Variants in ASIC2 observed in about 807,000 individuals in gnomAD.
ASIC2 encodes acid-sensing ion channel 2.
A neutral mutation model predicts 57.3 loss-of-function variants in ASIC2; 25 were observed. The observed-to-expected ratio is 0.44, with a 90% CI of 0.32 to 0.61. The LOEUF is 0.61. Among genes scored for constraint, ASIC2 ranks in the 20% least tolerant of loss-of-function variants. The pLI, the probability that ASIC2 is intolerant of heterozygous loss-of-function variation, is 0.06. For missense variants in ASIC2, 641 were observed against 738.1 expected (o/e 0.87, Z 1.52); for synonymous variants, 319 against 307.5 (o/e 1.04, Z -0.39).
chr17:33,534,461 G>C (rs753451253), intron 1 of ASIC2: 12 of 152,140 alleles, frequency 7.9e-5, no homozygotes, highest in Non-Finnish European at 1.8e-4. Flanking sequence ...GCAGATCTGT[G>C]GGGGATTGGT....
chr17:33,987,963 A>C (rs1905875010), intron 1 of ASIC2, among the ~76,000 whole-genome samples: 2 of 152,212 alleles, frequency 1.3e-5, no homozygotes, highest in South Asian at 4.1e-4. Flanking sequence ...TTTTGACAGC[A>C]TGTAATTTGT....
At chr17:33,433,917 A>T (rs942803506) in intron 1 of ASIC2, among the ~76,000 whole-genome samples, 1 of 147,256 alleles carries the variant, frequency 6.8e-6, no homozygotes, top group Non-Finnish European at 1.5e-5. Flanking sequence ...GTATATGCAG[A>T]TTTCCACTAC....
chr17:33,260,050 A>G (rs2142143296), intron 1 of ASIC2, among the ~76,000 whole-genome samples: 1 of 152,232 alleles, frequency 6.6e-6, no homozygotes, highest in East Asian at 1.9e-4. Context: ...AGGTAGGAGG[A>G]TTGCTTGAGC....
Position 34,062,301 on chromosome 17 carries a change from A to T in ASIC2, c.555+93677T>A, listed in dbSNP as rs577796671. On this transcript the variant is annotated intron_variant, in intron 1 of 9. Transcript: ENST00000359872. ...TGGATCAAAAACAAAATCAAGATGG[A>T]AATTAAAAAATTCTTCAAACTGAAT... is the stretch of plus-strand genomic sequence containing the variant. Among the ~76,000 whole-genome samples the T allele has an allele frequency of 1.2e-4, 18 of 152,302 alleles. No homozygotes were observed. The South Asian group carries it at 1.7e-3, about 14-fold the overall frequency.
At chr17:33,261,827 TG>T (rs34175170) in intron 1 of ASIC2, among the ~76,000 whole-genome samples, 152,235 of 152,236 alleles carry the variant, frequency 1, 76,117 homozygotes, top group Middle Eastern at 1. Context: ...GAGGTGAACG[TG>T]GGGGGTGCTG....
intron 1 of ASIC2, among the ~76,000 whole-genome samples, chr17:33,310,671 G>GT (rs1250647034): frequency 2.6e-5 from 4 of 152,092 alleles, no homozygotes; most frequent in African/African-American, 7.2e-5. Context: ...CTCTTTTAAT[G>GT]TTTTTTCTAG....
intron 1 of ASIC2, among the ~76,000 whole-genome samples, chr17:33,947,969 A>C (rs2141983093): frequency 6.6e-6 from 1 of 152,366 alleles, no homozygotes; most frequent in South Asian, 2.1e-4. Context: ...TTAAGTGCTA[A>C]CTAAGCACTA....
At chr17:33,451,815 G>A (rs896713794) in intron 1 of ASIC2, among the ~76,000 whole-genome samples, 1 of 152,086 alleles carries the variant, frequency 6.6e-6, no homozygotes, top group South Asian at 2.1e-4. Context: ...ATACCCCATA[G>A]CACCCTACGT....
chr17:33,903,706 G>A (rs554514888), intron 1 of ASIC2, among the ~76,000 whole-genome samples: 4 of 152,308 alleles, frequency 2.6e-5, no homozygotes, highest in African/African-American at 9.6e-5. Flanking sequence ...TAAACAACCA[G>A]GGGTTTGGAC....
intron 1 of ASIC2, among the ~76,000 whole-genome samples, chr17:34,029,223 T>C (rs1907493732): frequency 6.6e-6 from 1 of 152,220 alleles, no homozygotes; most frequent in Admixed American, 6.5e-5. Flanking sequence ...CTTGTCTACA[T>C]TCTAGGAAGT....
intron 1 of ASIC2, among the ~76,000 whole-genome samples, chr17:33,232,271 A>C (rs989423217): frequency 1.3e-5 from 2 of 152,234 alleles, no homozygotes; most frequent in Admixed American, 1.3e-4. Flanking sequence ...AGCCAGGAGA[A>C]GAGCCCTCAC....
chr17:33,447,399 T>C (rs1912067438), intron 1 of ASIC2, among the ~76,000 whole-genome samples: 2 of 152,112 alleles, frequency 1.3e-5, no homozygotes, highest in Non-Finnish European at 2.9e-5. Flanking sequence ...ATGAGGATAA[T>C]TGTTTGTTGA....
At chr17:33,042,708 T>C (rs1326297652) in intron 3 of ASIC2, among the ~76,000 whole-genome samples, 3 of 152,158 alleles carry the variant, frequency 2.0e-5, no homozygotes, top group Non-Finnish European at 4.4e-5. Flanking sequence ...ATCATACTTT[T>C]TGCAACCACC....
At position 33,072,971 on chromosome 17, in the gene ASIC2, G is replaced by A. The variant is rs114187789; in HGVS notation, c.987+15892C>T. Among the ~76,000 whole-genome samples the A allele has an allele frequency of 2.8e-3, 426 of 152,312 alleles. 2 individuals are homozygous for A. The highest frequency in any genetic ancestry group is 9.8e-3 in the African/African-American group (409 of 41,572). ...TCTGTGCTGCCTGGATTCACGGCAC[G>A]CAGGGCACAATGCTGTATTTTTCTG... On this transcript the variant is annotated intron_variant, in intron 3 of 9. Transcript: ENST00000225823.
intron 1 of ASIC2, among the ~76,000 whole-genome samples, chr17:33,232,330 C>A (rs1567792660): frequency 6.6e-6 from 1 of 152,140 alleles, no homozygotes; most frequent in Non-Finnish European, 1.5e-5. Context: ...CCTTCCCAGT[C>A]TCCAAATCTG....
chr17:33,092,215 C>T (rs2092160482), intron 2 of ASIC2, among the ~76,000 whole-genome samples: 1 of 152,248 alleles, frequency 6.6e-6, no homozygotes, highest in South Asian at 2.1e-4. Flanking sequence ...CAAAGCCCTA[C>T]TTGTACATCT....
At chr17:33,418,133 A>G (rs1270982884) in intron 1 of ASIC2, among the ~76,000 whole-genome samples, 1 of 150,554 alleles carries the variant, frequency 6.6e-6, no homozygotes, top group East Asian at 2.0e-4. Flanking sequence ...CAGCTGTGAA[A>G]AGATATTCTT....
intron 1 of ASIC2, among the ~76,000 whole-genome samples, chr17:33,841,650 A>C (rs144465521): frequency 8.7e-4 from 132 of 152,336 alleles, no homozygotes; most frequent in African/African-American, 2.9e-3. Context: ...AGCAACATTG[A>C]CCAAGCTCCA....
intron 1 of ASIC2, among the ~76,000 whole-genome samples, chr17:33,215,424 T>A (rs934687038): frequency 6.6e-6 from 1 of 152,256 alleles, no homozygotes; most frequent in Non-Finnish European, 1.5e-5. Flanking sequence ...GAATGAGTTG[T>A]AATTTATGAA....
Sources: gnomAD v4.1 joint callset for allele counts (sites outside exome capture counted in the v4.1 genomes callset) on GRCh38, gnomAD v4.1.1 for gene constraint, MANE v1.5 for transcripts, NCBI Gene and HGNC (gene_info 2026-07-23, HGNC 2026-07-21) for gene names.